Variants in ADGRL2 observed in about 807,000 individuals in gnomAD.
ADGRL2 encodes adhesion G protein-coupled receptor L2.
ADGRL2 carries 44 observed loss-of-function variants against 157.4 expected under a neutral mutation model. That is an observed-to-expected ratio of 0.28 (90% CI 0.22 to 0.36). The LOEUF (loss-of-function observed/expected upper bound fraction) is 0.36, where lower values mean the gene tolerates loss of function less well. ADGRL2 is among the 10% of genes least tolerant of loss of function. The probability of loss-of-function intolerance (pLI) is 1.00; values close to 1 mark genes in which losing one functional copy is unlikely to be tolerated. For missense variants in ADGRL2, 1,510 were observed against 1,768.9 expected, an observed-to-expected ratio of 0.85 and a Z score of 2.63; for synonymous variants, 585 against 624.7, an observed-to-expected ratio of 0.94 and a Z score of 0.95.
chr1:81,706,751 G>A (rs1363171031), intron 1 of ADGRL2, among the ~76,000 whole-genome samples: 1 of 152,140 alleles, frequency 6.6e-6, no homozygotes, highest in Non-Finnish European at 1.5e-5. Flanking sequence ...AGGGTGGAGA[G>A]TTTCTGGAAG....
intron 3 of ADGRL2, among the ~76,000 whole-genome samples, chr1:81,612,074 T>A (rs2081553398): frequency 6.6e-6 from 1 of 152,162 alleles, no homozygotes; most frequent in South Asian, 2.1e-4. Context: ...TCTTTATAAA[T>A]TACCCAGTCT....
At chr1:81,392,280 C>A (rs562077267) in intron 1 of ADGRL2, among the ~76,000 whole-genome samples, 5 of 151,564 alleles carry the variant, frequency 3.3e-5, no homozygotes, top group Middle Eastern at 3.5e-3. Context: ...AAACCTCCTG[C>A]CTGGATGCCA....
chr1:81,618,115 G>C (rs548156407), intron 3 of ADGRL2, among the ~76,000 whole-genome samples: 4 of 151,686 alleles, frequency 2.6e-5, no homozygotes, highest in African/African-American at 9.7e-5. Context: ...TTGCAGCCTC[G>C]GGAAGCCAGG....
Position 81,952,193 on chromosome 1 carries a change from C to T in ADGRL2, c.1794+51C>T, listed in dbSNP as rs772017257. ...GAATTAGACACTTGGTATGGCAGCT[C>T]TTTCTTGTCTTATAGCAGTTGAGAG... On this transcript the variant is annotated intron_variant, in intron 9 of 23. Transcript: ENST00000686636. 15 of 1,455,360 alleles carry T rather than the reference C, an allele frequency of 1.0e-5. No individual in the cohort carries two copies. The African/African-American group carries it at 1.4e-4, about 14-fold the overall frequency. The allele number at this position is 1,455,360 out of a possible 1,614,324, so 90.2% of individuals were successfully genotyped here. A position where few individuals can be genotyped will look rare whatever the true frequency, so the allele number is the denominator to read the frequency against.
At chr1:81,755,214 GAAGA>G (rs377559059) in intron 1 of ADGRL2, among the ~76,000 whole-genome samples, 1 of 97,492 alleles carries the variant, frequency 1.0e-5, no homozygotes, top group Non-Finnish European at 2.0e-5. Context: ...ATGCATATAT[GAAGA>G]TATATACATA....
intron 2 of ADGRL2, among the ~76,000 whole-genome samples, chr1:81,552,250 A>G (rs2080164616): frequency 6.6e-6 from 1 of 152,092 alleles, no homozygotes; most frequent in South Asian, 2.1e-4. Context: ...TTTATTAGGT[A>G]GATAAACTCC....
intron 2 of ADGRL2, among the ~76,000 whole-genome samples, chr1:81,774,892 A>G (rs550081883): frequency 2.0e-5 from 3 of 152,268 alleles, no homozygotes; most frequent in Non-Finnish European, 2.9e-5. Flanking sequence ...TATATGTATA[A>G]TAGTAACAAA....
intron 1 of ADGRL2, chr1:81,427,470 T>C: frequency 1.3e-6 from 1 of 754,740 alleles, no homozygotes; most frequent in Non-Finnish European, 2.4e-6. Flanking sequence ...GGAACTATAA[T>C]GATTTTGGAA....
rs115269723 is a variant in ADGRL2, at chr1:81,818,666, C to G, written c.-101+17598C>G. Among the ~76,000 whole-genome samples the G allele has an allele frequency of 3.0e-3, 461 of 152,228 alleles. 2 individuals are homozygous for G. Among genetic ancestry groups the G allele is most frequent in the Non-Finnish European group, 5.4e-3 (366 of 68,000 alleles). On this transcript the variant is annotated intron_variant, in intron 1 of 23. Transcript: ENST00000686636. ...ATTTATTAAGGCCATGCCAGGAAAA[C>G]TGTACTGTTATGTAAGGACTGTGCT...
intron 18 of ADGRL2, among the ~76,000 whole-genome samples, chr1:81,980,599 T>G (rs144547239): frequency 6.6e-6 from 1 of 151,944 alleles, no homozygotes; most frequent in Admixed American, 6.6e-5. Flanking sequence ...AAGTTGGTTA[T>G]AATGTGATTG....
chr1:81,615,278 A>C (rs1212835081), intron 3 of ADGRL2, among the ~76,000 whole-genome samples: 2 of 152,204 alleles, frequency 1.3e-5, no homozygotes, highest in Non-Finnish European at 2.9e-5. Flanking sequence ...CGGACCAATC[A>C]GCAGGATGTG....
intron 2 of ADGRL2, among the ~76,000 whole-genome samples, chr1:81,561,522 G>A (rs971044319): frequency 6.7e-6 from 1 of 148,502 alleles, no homozygotes; most frequent in African/African-American, 2.5e-5. Context: ...GTGCAGTGGT[G>A]CGATCTTGTC....
chr1:81,904,192 C>T (rs2094543704), intron 2 of ADGRL2, among the ~76,000 whole-genome samples: 1 of 151,974 alleles, frequency 6.6e-6, no homozygotes, highest in Non-Finnish European at 1.5e-5. Context: ...AGCCTTACTA[C>T]AGTCTAGCAG....
intron 1 of ADGRL2, among the ~76,000 whole-genome samples, chr1:81,318,146 T>C (rs774775576): frequency 6.6e-5 from 10 of 152,238 alleles, no homozygotes; most frequent in Non-Finnish European, 1.3e-4. Context: ...TTCTGTTTCA[T>C]GCTTTCCTGA....
chr1:81,660,847 A>G (rs549358131), intron 3 of ADGRL2, among the ~76,000 whole-genome samples: 1 of 152,312 alleles, frequency 6.6e-6, no homozygotes, highest in South Asian at 2.1e-4. Flanking sequence ...GTGCAATTAT[A>G]TGACAGATAA....
chr1:81,956,548 A>G (rs1418875069), intron 11 of ADGRL2, among the ~76,000 whole-genome samples: 6 of 152,220 alleles, frequency 3.9e-5, no homozygotes, highest in Admixed American at 3.3e-4. Flanking sequence ...CCCACAATGC[A>G]GAACATCCGT....
chr1:81,335,067 T>C (rs1338924819), intron 1 of ADGRL2, among the ~76,000 whole-genome samples: 1 of 152,172 alleles, frequency 6.6e-6, no homozygotes, highest in African/African-American at 2.4e-5. Context: ...AATAATGAAG[T>C]TAGGTAACTT....
chr1:81,648,481 C>G (rs997811281), intron 3 of ADGRL2, among the ~76,000 whole-genome samples: 5 of 152,170 alleles, frequency 3.3e-5, no homozygotes, highest in Admixed American at 6.5e-5. Context: ...TCTCTGTTTA[C>G]TGCAGCAAAA....
chr1:81,745,396 A>G (rs978427776), intron 1 of ADGRL2, among the ~76,000 whole-genome samples: 22 of 152,166 alleles, frequency 1.4e-4, no homozygotes, highest in African/African-American at 5.3e-4. Context: ...TAGGCAAGTT[A>G]CTCAGTTTCC....
Sources: gnomAD v4.1 joint callset for allele counts (sites outside exome capture counted in the v4.1 genomes callset) on GRCh38, gnomAD v4.1.1 for gene constraint, MANE v1.5 for transcripts, NCBI Gene and HGNC (gene_info 2026-07-23, HGNC 2026-07-21) for gene names.